The following ACYP2 variants were observed in gnomAD, a reference collection of about 807,000 sequenced individuals.
ACYP2 encodes acylphosphatase 2.
ACYP2 carries 12 observed loss-of-function variants against 11.2 expected under a neutral mutation model. That is an observed-to-expected ratio of 1.08 (90% confidence interval 0.69 to 1.74). The LOEUF is 1.74. Ranked by LOEUF, ACYP2 falls within the 40% of genes most tolerant of loss-of-function variation. The pLI is 0.00. For missense variants in ACYP2, 134 were observed against 101.9 expected, an observed-to-expected ratio of 1.31 and a Z score of -1.35; for synonymous variants, 43 against 32.2, an observed-to-expected ratio of 1.33 and a Z score of -1.13.
chr2:54,300,948 G>A (rs1689700649), intron 6 of ACYP2, among the ~76,000 whole-genome samples: 2 of 152,272 alleles, frequency 1.3e-5, no homozygotes, highest in South Asian at 2.1e-4. Flanking sequence ...TAAAAATTAT[G>A]AGTATGAGTG....
intron 4 of ACYP2, among the ~76,000 whole-genome samples, chr2:54,119,051 CTTTTTT>C (rs10542497): frequency 1.4e-3 from 62 of 43,768 alleles, no homozygotes; most frequent in African/African-American, 5.0e-3. Flanking sequence ...TCTTAGTAGT[CTTTTTT>C]TTTTTTTTTT....
intron 6 of ACYP2, among the ~76,000 whole-genome samples, chr2:54,300,814 A>G (rs1689695096): frequency 6.6e-6 from 1 of 152,186 alleles, no homozygotes; most frequent in Non-Finnish European, 1.5e-5. Context: ...CACTCCCATT[A>G]CCAATGTAGA....
At chr2:54,124,761 T>C (rs1272719768) in intron 4 of ACYP2, among the ~76,000 whole-genome samples, 2 of 152,204 alleles carry the variant, frequency 1.3e-5, no homozygotes, top group Admixed American at 6.5e-5. Flanking sequence ...AGTGCAGCAG[T>C]GTGATCACAG....
At chr2:54,012,423 G>A (rs1488684139) in intron 2 of ACYP2, among the ~76,000 whole-genome samples, 4 of 152,182 alleles carry the variant, frequency 2.6e-5, no homozygotes, top group Non-Finnish European at 5.9e-5. Flanking sequence ...GGCTGAAGCC[G>A]GAGGATCACT....
chr2:54,017,628 T>G (rs1262856902), intron 2 of ACYP2, among the ~76,000 whole-genome samples: 6 of 152,206 alleles, frequency 3.9e-5, no homozygotes, highest in Non-Finnish European at 7.4e-5. Context: ...AATATATTTC[T>G]GATACTATTG....
intron 6 of ACYP2, among the ~76,000 whole-genome samples, chr2:54,155,327 C>T (rs1417804775): frequency 1.3e-5 from 2 of 151,712 alleles, no homozygotes; most frequent in African/African-American, 4.8e-5. Context: ...CATTTTTTTC[C>T]TTCTGCTACA....
intron 4 of ACYP2, among the ~76,000 whole-genome samples, chr2:54,066,263 T>C (rs558899731): frequency 2.6e-5 from 4 of 152,292 alleles, no homozygotes; most frequent in South Asian, 4.1e-4. Context: ...TAGAAGTGCG[T>C]GGTGGATCCT....
intron 2 of ACYP2, among the ~76,000 whole-genome samples, chr2:54,034,966 TGCCACTGCACTCCAGCCCAG>T (rs1353162262): frequency 3.0e-5 from 4 of 133,084 alleles, no homozygotes; most frequent in Non-Finnish European, 6.2e-5. Context: ...GCTGAGATCA[TGCCACTGCACTCCAGCCCAG>T]GCGACAGTGC....
At chr2:53,989,170 C>A (rs764664038) in intron 2 of ACYP2, among the ~76,000 whole-genome samples, 1 of 152,140 alleles carries the variant, frequency 6.6e-6, no homozygotes, top group Non-Finnish European at 1.5e-5. Context: ...GGCTATCAGG[C>A]CAGCATGTGC....
chr2:54,022,819 G>C (rs1209210117), intron 2 of ACYP2, among the ~76,000 whole-genome samples: 3 of 152,322 alleles, frequency 2.0e-5, no homozygotes, highest in Non-Finnish European at 4.4e-5. Flanking sequence ...AAGATGGAGA[G>C]ACGCCTCCCA....
intron 6 of ACYP2, among the ~76,000 whole-genome samples, chr2:54,184,060 C>T (rs897449719): frequency 7.9e-5 from 12 of 152,158 alleles, no homozygotes; most frequent in Non-Finnish European, 1.2e-4. Flanking sequence ...GAATCTTTTG[C>T]ATTCGTTTAG....
chr2:54,061,521 T>A (rs1038779033), intron 4 of ACYP2, among the ~76,000 whole-genome samples: 9 of 152,208 alleles, frequency 5.9e-5, no homozygotes, highest in Non-Finnish European at 1.3e-4. Context: ...CTTAGAGGGC[T>A]GGTCTATAAT....
chr2:54,063,046 C>T lies in ACYP2; in HGVS notation c.277+5686C>T, dbSNP rs568954503. On this transcript the variant is annotated intron_variant, in intron 4 of 6. Coordinates refer to ENST00000607452, the MANE Select transcript of ACYP2 (RefSeq NM_001320586.2). ...GTACTACGCTAGTTCCTGGGGAGTT[C>T]CTGGGGAACAATGGTAAGCACAGAT... 2.0e-5 allele frequency among the ~76,000 whole-genome samples: 3 copies of T among 152,176 alleles called. No homozygotes were observed. In the South Asian group the frequency reaches 6.2e-4, roughly 32 times the overall value.
chr2:54,266,949 A>G (rs1422973211), intron 6 of ACYP2, among the ~76,000 whole-genome samples: 3 of 152,114 alleles, frequency 2.0e-5, no homozygotes, highest in Non-Finnish European at 4.4e-5. Context: ...CACATAGGAA[A>G]TGGCGAGGCG....
chr2:54,134,577 C>T (rs764943374), intron 4 of ACYP2, among the ~76,000 whole-genome samples: 12 of 152,142 alleles, frequency 7.9e-5, no homozygotes, highest in Non-Finnish European at 1.6e-4. Context: ...TAAATATGTG[C>T]TTCAGCATTT....
chr2:54,112,868 T>C (rs1679530205), intron 4 of ACYP2, among the ~76,000 whole-genome samples: 2 of 152,234 alleles, frequency 1.3e-5, no homozygotes, highest in African/African-American at 4.8e-5. Context: ...AAATGTCAAT[T>C]GTTGCTATAG....
intron 4 of ACYP2, among the ~76,000 whole-genome samples, chr2:54,114,259 T>A (rs1452139546): frequency 6.6e-6 from 1 of 152,152 alleles, no homozygotes; most frequent in Admixed American, 6.5e-5. Context: ...AATAGCTGTA[T>A]CCAGATCCTT....
intron 4 of ACYP2, among the ~76,000 whole-genome samples, chr2:54,060,194 A>T (rs991126715): frequency 2.0e-5 from 3 of 152,132 alleles, no homozygotes; most frequent in African/African-American, 7.2e-5. Flanking sequence ...TTTTCTGAAA[A>T]TCCTATGAGT....
chr2:54,233,621 T>A (rs553766395), intron 6 of ACYP2, among the ~76,000 whole-genome samples: 1 of 152,072 alleles, frequency 6.6e-6, no homozygotes, highest in Non-Finnish European at 1.5e-5. Context: ...CATTTTCTTA[T>A]CCCTCCTGTA....
Sources: gnomAD v4.1 joint callset for allele counts (sites outside exome capture counted in the v4.1 genomes callset) on GRCh38, gnomAD v4.1.1 for gene constraint, MANE v1.5 for transcripts, NCBI Gene and HGNC (gene_info 2026-07-23, HGNC 2026-07-21) for gene names.